The following TMLHE variants were observed in gnomAD, a reference collection of about 807,000 sequenced individuals.
TMLHE encodes the protein trimethyllysine hydroxylase, epsilon, also known as trimethyllysine dioxygenase, mitochondrial.
Under a neutral mutation model 25.7 loss-of-function variants are expected in TMLHE, and 18 were observed. The ratio of observed to expected loss-of-function variants is 0.70; its 90% confidence interval spans 0.48 to 1.04. The LOEUF (loss-of-function observed/expected upper bound fraction) is 1.04, where lower values mean the gene tolerates loss of function less well. Ranked by LOEUF, TMLHE falls within the 50% of genes least tolerant of loss-of-function variation. The pLI, the probability that TMLHE is intolerant of heterozygous loss-of-function variation, is 0.00. For synonymous variants in TMLHE, 105 were observed against 97.0 expected (o/e 1.08, Z -0.49); for missense variants, 236 against 259.0 (o/e 0.91, Z 0.61).
intron 1 of TMLHE, among the ~76,000 whole-genome samples, chrX:155,573,648 C>T (rs1163049320): frequency 1.8e-5 from 1 of 55,679 alleles, no homozygotes; most frequent in Non-Finnish European, 4.7e-5. Context: ...AAATACCATG[C>T]AGCCATAAAA....
chrX:155,563,195 A>G (rs1557341957), intron 1 of TMLHE, among the ~76,000 whole-genome samples: 1 of 62,856 alleles, frequency 1.6e-5, no homozygotes, highest in African/African-American at 3.5e-5. Context: ...GGTGATTTGT[A>G]AAACAAAGAG....
At chrX:155,544,903 T>C (rs782729199) in intron 2 of TMLHE, among the ~76,000 whole-genome samples, 193 bp downstream of exon 2, 1 of 112,005 alleles carries the variant, frequency 8.9e-6, no homozygotes, top group Non-Finnish European at 1.9e-5. Flanking sequence ...AAAAGTATTT[T>C]CAGACCACAC....
At chrX:155,518,269 T>C (rs1369066259) in intron 3 of TMLHE, among the ~76,000 whole-genome samples, 2 of 69,403 alleles carry the variant, frequency 2.9e-5, no homozygotes, top group African/African-American at 1.1e-4. Context: ...CTGCATCTAT[T>C]GAGATAATCA....
chrX:155,515,413 T>A (rs891246193), intron 3 of TMLHE, among the ~76,000 whole-genome samples: 4 of 110,605 alleles, frequency 3.6e-5, no homozygotes, highest in East Asian at 2.8e-4. Context: ...TTTTAAAAAA[T>A]TTCCTATTAT....
intron 1 of TMLHE, among the ~76,000 whole-genome samples, chrX:155,547,657 C>G (rs1401359133): frequency 4.6e-5 from 5 of 108,475 alleles, no homozygotes; most frequent in African/African-American, 1.0e-4. Flanking sequence ...CTCCACATGA[C>G]TAGTGTTCTT....
chrX:155,603,305 G>C (rs1018696067), intron 1 of TMLHE, among the ~76,000 whole-genome samples: 7 of 108,863 alleles, frequency 6.4e-5, no homozygotes, highest in Non-Finnish European at 1.3e-4. Flanking sequence ...ACTCCAGCCT[G>C]AGCAACAGAG....
intron 1 of TMLHE, among the ~76,000 whole-genome samples, chrX:155,555,822 C>T (rs1232918187): frequency 2.7e-5 from 3 of 109,990 alleles, no homozygotes; most frequent in African/African-American, 1.0e-4. Context: ...CTGTAGGTTG[C>T]CTGTTCACTC....
chrX:155,547,746 G>A (rs2067362003), intron 1 of TMLHE, among the ~76,000 whole-genome samples: 1 of 109,599 alleles, frequency 9.1e-6, no homozygotes, highest in Non-Finnish European at 1.9e-5. Context: ...ATTGTTGGAG[G>A]TGTTGGAAAT....
chrX:155,568,345 G>C (rs1218718693), intron 1 of TMLHE, among the ~76,000 whole-genome samples: 7 of 61,845 alleles, frequency 1.1e-4, no homozygotes, highest in African/African-American at 2.5e-4. Flanking sequence ...AGCTCGAACT[G>C]GGTGGAGCCC....
rs1557341915 is a variant in TMLHE at position 155,562,313 on chromosome X, G to C, written c.-1-17036C>G. On this transcript the variant is annotated intron_variant, in intron 1 of 7. Coordinates refer to ENST00000334398, the MANE Select transcript of TMLHE (RefSeq NM_018196.4). The stretch of plus-strand genomic sequence containing the variant: ...TGTACCATGGCCCCTTTAAGCCACA[G>C]TTGGAGCTGGAGTGGCTGGGATGCA... 4.8e-5 allele frequency among the ~76,000 whole-genome samples: 3 copies of C among 62,052 alleles called. 1 individual carries two copies. Among genetic ancestry groups the C allele is most frequent in the Non-Finnish European group, 1.4e-4 (3 of 22,103 alleles). 53.9% of individuals were successfully genotyped at this position (62,052 alleles called of 115,157 possible). A position where few individuals can be genotyped will look rare whatever the true frequency, so the allele number is the denominator to read the frequency against.
intron 1 of TMLHE, among the ~76,000 whole-genome samples, chrX:155,570,022 T>C (rs1557342861): frequency 1.8e-5 from 1 of 55,572 alleles, no homozygotes; most frequent in African/African-American, 4.3e-5. Flanking sequence ...AATGCTCCAA[T>C]TAAAAGACAC....
At chrX:155,577,337 G>A (rs782548697) in intron 1 of TMLHE, among the ~76,000 whole-genome samples, 1 of 111,478 alleles carries the variant, frequency 9.0e-6, no homozygotes, top group South Asian at 3.8e-4. Flanking sequence ...AGCACTTTTG[G>A]GAGGCCAAGG....
Position 155,567,755 on chromosome X carries a change from C to G in TMLHE, c.-1-22478G>C, listed in dbSNP as rs782667022. Reference sequence around the variant, plus strand: ...CTGTGGCATGGTCATTTTAAATGTACAGTGGAAGACCGAAGAACTGAAAGC... The same window carrying G: ...CTGTGGCATGGTCATTTTAAATGTAGAGTGGAAGACCGAAGAACTGAAAGC... On this transcript the variant is annotated intron_variant, in intron 1 of 7. Transcript: ENST00000334398. Among the ~76,000 whole-genome samples the G allele has an allele frequency of 3.2e-5, 2 of 61,858 alleles. 1 individual carries two copies. The highest frequency in any genetic ancestry group is 1.9e-3 in the South Asian group (2 of 1,050). 53.7% of individuals were successfully genotyped at this position (61,858 alleles called of 115,157 possible).
chrX:155,598,280 T>C (rs1317415431), intron 1 of TMLHE, among the ~76,000 whole-genome samples: 1 of 110,422 alleles, frequency 9.1e-6, no homozygotes, highest in African/African-American at 3.3e-5. Flanking sequence ...CTATTCACAA[T>C]AGCAAAGAGT....
At chrX:155,586,222 G>C (rs782343167) in intron 1 of TMLHE, among the ~76,000 whole-genome samples, 1 of 57,199 alleles carries the variant, frequency 1.7e-5, no homozygotes, top group Non-Finnish European at 4.2e-5. Context: ...GCAAAGCTCC[G>C]TCTCAAAAAA....
At chrX:155,581,717 A>G (rs1557344572) in intron 1 of TMLHE, among the ~76,000 whole-genome samples, 2 of 112,347 alleles carry the variant, frequency 1.8e-5, no homozygotes, top group Non-Finnish European at 3.8e-5. Flanking sequence ...ATGGACAGGA[A>G]GAATGAATAT....
chrX:155,546,487 G>T (rs2067345771), intron 1 of TMLHE, among the ~76,000 whole-genome samples: 1 of 111,135 alleles, frequency 9.0e-6, no homozygotes, highest in Non-Finnish European at 1.9e-5. Flanking sequence ...CCCACAAAAT[G>T]CTTATGTTGA....
rs782332235 is a variant in TMLHE, at chrX:155,507,679, C to T, written c.759-545G>A. 9.1e-5 allele frequency among the ~76,000 whole-genome samples: 10 copies of T among 109,405 alleles called. No individual in the cohort carries two copies. The East Asian group carries it at 2.9e-3, about 31-fold the overall frequency. The stretch of plus-strand genomic sequence containing the variant: ...CATTCTAGGCGGAGAGAAAGCATGA[C>T]CAAAGATACCAATGTAAAACAACAA... On this transcript the variant is annotated intron_variant, in intron 5 of 7. Transcript: ENST00000334398.
chrX:155,592,106 A>G (rs1718054298), intron 1 of TMLHE, among the ~76,000 whole-genome samples: 1 of 111,929 alleles, frequency 8.9e-6, no homozygotes, highest in South Asian at 3.7e-4. Flanking sequence ...AAAATGACAA[A>G]TACCACCTTA....
Sources: allele counts gnomAD v4.1 joint callset (sites outside exome capture counted in the v4.1 genomes callset), GRCh38; gene constraint gnomAD v4.1.1; transcripts MANE v1.5; gene names NCBI Gene and HGNC (gene_info 2026-07-23, HGNC 2026-07-21).